The following SMAD6 variants were observed in gnomAD, a reference collection of about 807,000 sequenced individuals.
The protein encoded by SMAD6 is MAD homolog 6.
Under a neutral mutation model 39.4 loss-of-function variants are expected in SMAD6, and 103 were observed. The ratio of observed to expected loss-of-function variants is 2.62; its 90% CI spans 2.23 to 3.08. The LOEUF (loss-of-function observed/expected upper bound fraction) is 3.08, where lower values mean the gene tolerates loss of function less well. Among genes scored for constraint, SMAD6 ranks in the 30% most tolerant of loss-of-function variants. SMAD6 has a pLI of 0.00. For missense variants in SMAD6, 1,104 were observed against 742.9 expected (o/e 1.49, Z -5.65); for synonymous variants, 445 against 353.3 (o/e 1.26, Z -2.91).
chr15:66,768,172 A>G (rs183806288), intron 3 of SMAD6, among the ~76,000 whole-genome samples: 6 of 152,058 alleles, frequency 3.9e-5, no homozygotes, highest in East Asian at 3.9e-4. Context: ...GGGACTTGCT[A>G]TGTTGCCAGG....
chr15:66,716,195 C>T (rs1360301509), intron 2 of SMAD6, among the ~76,000 whole-genome samples: 1 of 152,208 alleles, frequency 6.6e-6, no homozygotes, highest in Non-Finnish European at 1.5e-5. Context: ...GTACCAGCTT[C>T]ACCACAGTCA....
intron 3 of SMAD6, among the ~76,000 whole-genome samples, chr15:66,774,222 C>G (rs556631448): frequency 6.6e-6 from 1 of 152,280 alleles, no homozygotes; most frequent in East Asian, 1.9e-4. Context: ...AGCATGCAGC[C>G]CACGGGGGAG....
intron 1 of SMAD6, among the ~76,000 whole-genome samples, chr15:66,709,308 C>G (rs1203020308): frequency 6.6e-6 from 1 of 152,238 alleles, no homozygotes; most frequent in Non-Finnish European, 1.5e-5. Flanking sequence ...GCTGGCATGT[C>G]TCATGGTTCA....
intron 1 of SMAD6, among the ~76,000 whole-genome samples, chr15:66,710,786 T>TGAAAG (rs10675704): frequency 0.45 from 68,435 of 151,620 alleles, 15,558 homozygotes; most frequent in Middle Eastern, 0.59. Flanking sequence ...TTTAGGCAAA[T>TGAAAG]GAAACCCAAA....
chr15:66,720,647 T>C (rs1893416289), intron 3 of SMAD6, among the ~76,000 whole-genome samples: 1 of 152,192 alleles, frequency 6.6e-6, no homozygotes, highest in African/African-American at 2.4e-5. Context: ...TTTTCTCACT[T>C]GTAAAATGAG....
At chr15:66,709,938 C>G (rs531832489) in intron 1 of SMAD6, among the ~76,000 whole-genome samples, 2 of 152,334 alleles carry the variant, frequency 1.3e-5, no homozygotes, top group East Asian at 3.9e-4. Flanking sequence ...GCCACAGATG[C>G]ATTCAACTTT....
intron 3 of SMAD6, among the ~76,000 whole-genome samples, chr15:66,757,853 C>T (rs888450999): frequency 3.9e-5 from 6 of 152,148 alleles, no homozygotes; most frequent in Admixed American, 6.5e-5. Context: ...TCCTGGGCAC[C>T]GGGGTAGGCT....
intron 1 of SMAD6, chr15:66,708,101 G>C (rs920552285): frequency 6.6e-6 from 1 of 152,466 alleles, no homozygotes; most frequent in Non-Finnish European, 1.5e-5. Context: ...GATTCCTCAG[G>C]CTGGATGTCC....
chr15:66,704,993 G>A (rs1893080275), intron 1 of SMAD6: 1 of 152,318 alleles, frequency 6.6e-6, no homozygotes, highest in African/African-American at 2.4e-5. Context: ...GTCTTGTGGG[G>A]AACACACACT....
chr15:66,720,289 C>G (rs1358359051), intron 3 of SMAD6, among the ~76,000 whole-genome samples: 2 of 150,982 alleles, frequency 1.3e-5, no homozygotes, highest in Non-Finnish European at 2.9e-5. Flanking sequence ...CTCAGAATTG[C>G]AGGATGAAGA....
chr15:66,719,397 C>T (rs1457290943), intron 3 of SMAD6, among the ~76,000 whole-genome samples: 1 of 152,164 alleles, frequency 6.6e-6, no homozygotes, highest in East Asian at 1.9e-4. Flanking sequence ...CGTGCCCTTC[C>T]AGGCCACTAC....
At chr15:66,725,490 C>T (rs1347702311) in intron 3 of SMAD6, among the ~76,000 whole-genome samples, 1 of 152,170 alleles carries the variant, frequency 6.6e-6, no homozygotes, top group Non-Finnish European at 1.5e-5. Context: ...GAATCATTGC[C>T]AAGACTTTAA....
intron 3 of SMAD6, among the ~76,000 whole-genome samples, chr15:66,721,816 C>T (rs1023666205): frequency 2.0e-5 from 3 of 152,134 alleles, no homozygotes; most frequent in African/African-American, 7.2e-5. Flanking sequence ...TAGGTAAAGA[C>T]ACAAACAATA....
chr15:66,766,726 A>G (rs1437283605), intron 3 of SMAD6, among the ~76,000 whole-genome samples: 1 of 152,174 alleles, frequency 6.6e-6, no homozygotes, highest in African/African-American at 2.4e-5. Context: ...CACCTATCAC[A>G]CAGGTCCCTG....
intron 3 of SMAD6, among the ~76,000 whole-genome samples, chr15:66,731,393 C>G (rs941607813): frequency 2.7e-5 from 4 of 150,374 alleles, no homozygotes; most frequent in African/African-American, 4.9e-5. Flanking sequence ...AGCCGAGATC[C>G]CGCCACTGCA....
At chr15:66,712,208 C>T (rs1893245738) in intron 2 of SMAD6, among the ~76,000 whole-genome samples, 1 of 152,192 alleles carries the variant, frequency 6.6e-6, no homozygotes, top group South Asian at 2.1e-4. Flanking sequence ...TGAGCAGAAA[C>T]AACAATTGGA....
chr15:66,745,360 G>A (rs1341764340), intron 3 of SMAD6, among the ~76,000 whole-genome samples: 1 of 150,058 alleles, frequency 6.7e-6, no homozygotes, highest in Non-Finnish European at 1.5e-5. Flanking sequence ...CATGTCTTCT[G>A]CCTGGCAGCT....
chr15:66,782,549 A>C lies in SMAD6; in HGVS notation c.*1014A>C, dbSNP rs1200046857. The stretch of plus-strand genomic sequence containing the variant: ...CCAGGGCTGTATTAATGATTTATGT[A>C]AAGGCAGATGGTTTATTTCTACTTT... On this transcript the variant is annotated 3_prime_UTR_variant, in exon 4 of 4. Transcript: ENST00000288840. 6.6e-6 allele frequency: 1 copy of C among 152,206 alleles called. No individual in the cohort carries two copies. Among genetic ancestry groups the C allele is most frequent in the Non-Finnish European group, 1.5e-5 (1 of 68,042 alleles). The allele number at this position is 152,206 out of a possible 1,614,324, so 9.4% of individuals were successfully genotyped here. A position where few individuals can be genotyped will look rare whatever the true frequency, so the allele number is the denominator to read the frequency against.
intron 3 of SMAD6, among the ~76,000 whole-genome samples, chr15:66,752,726 T>C (rs8040416): frequency 0.89 from 135,027 of 152,176 alleles, 59,939 homozygotes; most frequent in South Asian, 0.93. Context: ...CCCAGGAGTT[T>C]GAGGCTACAG....
Sources: allele counts gnomAD v4.1 joint callset (sites outside exome capture counted in the v4.1 genomes callset), GRCh38; gene constraint gnomAD v4.1.1; transcripts MANE v1.5; gene names NCBI Gene and HGNC (gene_info 2026-07-23, HGNC 2026-07-21).